The following C20orf96 variants were observed in gnomAD, a reference collection of about 807,000 sequenced individuals.
C20orf96 encodes the protein chromosome 20 open reading frame 96.
C20orf96 carries 57 observed loss-of-function variants against 52.6 expected under a neutral mutation model. The observed-to-expected ratio is 1.08, with a 90% confidence interval of 0.88 to 1.35. C20orf96 has a LOEUF of 1.35. Among genes scored for constraint, C20orf96 ranks in the 40% most tolerant of loss-of-function variants. The pLI is 0.00. For synonymous variants in C20orf96, 168 were observed against 157.2 expected (o/e 1.07, Z -0.51); for missense variants, 478 against 443.6 (o/e 1.08, Z -0.70).
intron 2 of C20orf96, 84 bp downstream of exon 2, chr20:290,175 G>A: frequency 9.3e-7 from 1 of 1,078,496 alleles, no homozygotes; most frequent in East Asian, 2.5e-5. Context: ...TATCCGCGGA[G>A]CAGTCACGAC....
rs1178072589 is a variant in C20orf96, at chr20:277,423, A to C, written c.566-40T>G. ...GGGAGGTCAGCAGGGACAGGAGGCA[A>C]GACCTTCCCTCAAGCACCTGGGCCC... On this transcript the variant is annotated intron_variant, in intron 6 of 10. Transcript: ENST00000360321. 1.9e-6 allele frequency: 3 copies of C among 1,607,414 alleles called. No individual in the cohort carries two copies. In the East Asian group the frequency reaches 6.7e-5, roughly 36 times the overall value.
chr20:274,871 A>G (rs527406884), intron 10 of C20orf96, among the ~76,000 whole-genome samples: 42 of 151,970 alleles, frequency 2.8e-4, no homozygotes, highest in African/African-American at 8.4e-4. Flanking sequence ...CCAGACTGGA[A>G]TGCAGTGGCA....
At chr20:287,739 T>C (rs1014011461) in intron 3 of C20orf96, among the ~76,000 whole-genome samples, 1 of 151,758 alleles carries the variant, frequency 6.6e-6, no homozygotes, top group Non-Finnish European at 1.5e-5. Context: ...GACCAGCCTG[T>C]CTCTACTAAA....
At chr20:274,763 T>C (rs1174045656) in intron 10 of C20orf96, among the ~76,000 whole-genome samples, 1 of 152,142 alleles carries the variant, frequency 6.6e-6, no homozygotes, top group African/African-American at 2.4e-5. Flanking sequence ...AAAACCTTCC[T>C]TGACTGCCCA....
At chr20:278,201 TC>T in intron 6 of C20orf96, 128 bp downstream of exon 6, 2 of 749,966 alleles carry the variant, frequency 2.7e-6, no homozygotes, top group Non-Finnish European at 4.9e-6. Context: ...ATCTTAGCAT[TC>T]CCATCTGCCA....
At chr20:281,311 G>A (rs957869758) in intron 4 of C20orf96, among the ~76,000 whole-genome samples, 6 of 151,992 alleles carry the variant, frequency 3.9e-5, no homozygotes, top group Non-Finnish European at 8.8e-5. Context: ...CTATGATTAT[G>A]CCATTTCACT....
At chr20:278,661 G>A (rs2122259993) in intron 5 of C20orf96, among the ~76,000 whole-genome samples, 1 of 151,714 alleles carries the variant, frequency 6.6e-6, no homozygotes, top group African/African-American at 2.4e-5. Flanking sequence ...GTTGGTGGTA[G>A]CAGCGACCTC....
intron 3 of C20orf96, 64 bp downstream of exon 3, chr20:289,495 G>A (rs1003823687): frequency 9.4e-6 from 10 of 1,059,024 alleles, no homozygotes; most frequent in Non-Finnish European, 1.5e-5. Context: ...GTCACCAAGA[G>A]CCAAAAGCAG....
At chr20:290,384 T>C (rs2012508108) in intron 1 of C20orf96, 77 bp from the exon 2 acceptor site, 6 of 1,580,782 alleles carry the variant, frequency 3.8e-6, no homozygotes, top group Middle Eastern at 1.7e-4. Context: ...CGAAACAGGA[T>C]TGGAGTCTCG....
chr20:277,854 G>T (rs530681471), intron 6 of C20orf96, among the ~76,000 whole-genome samples: 1 of 152,254 alleles, frequency 6.6e-6, no homozygotes, highest in East Asian at 1.9e-4. Flanking sequence ...CTGCTCAGCA[G>T]GTGTGTAGTC....
rs1568490417 is a variant in C20orf96, at chr20:277,309, A to T, written c.640T>A (p.Tyr214Asn). ...TQEEVNFLSTYMDHEYSIKSV... is the reference protein window; with the variant it reads ...TQEEVNFLSTNMDHEYSIKSV... ...TTGATGGAATACTCATGGTCCATGT[A>T]AGTGCTCAGGAAGTTCACTTCCTCC... Residue 214 changes from tyrosine to asparagine, a missense_variant, in exon 7 of 11, where the codon TAC (tyrosine) becomes AAC (asparagine). Transcript: ENST00000360321. The T allele has an allele frequency of 6.2e-7, 1 of 1,614,136 alleles. No homozygotes were observed. The highest frequency in any genetic ancestry group is 8.5e-7 in the Non-Finnish European group (1 of 1,180,018).
chr20:280,044 G>T, intron 4 of C20orf96, among the ~76,000 whole-genome samples: 1 of 152,134 alleles, frequency 6.6e-6, no homozygotes, highest in East Asian at 1.9e-4. Flanking sequence ...TGGAGGAGAA[G>T]CAGGGGAGGC....
At chr20:271,373 G>A in intron 10 of C20orf96, 106 bp from the exon 11 acceptor site, 2 of 884,288 alleles carry the variant, frequency 2.3e-6, no homozygotes, top group Non-Finnish European at 3.4e-6. Flanking sequence ...TACTTGGGTT[G>A]GGGGGCAATC....
At chr20:283,857 A>C (rs6137055) in intron 4 of C20orf96, 106 bp downstream of exon 4, 206,344 of 783,476 alleles carry the variant, frequency 0.26, 29,427 homozygotes, top group East Asian at 0.37. Context: ...TGTGAGGAAG[A>C]AATGAGTCAA....
rs1018640095 is a variant in C20orf96 at position 279,326 on chromosome 20, G to T, written c.311C>A (p.Ser104Ter). The change falls in exon 5 of 11, where the codon TCG becomes TAG. Residue 104 changes from serine (S) to a stop codon, truncating the protein, a stop_gained. Transcript: ENST00000360321. LOFTEE classifies it high-confidence loss of function. ...CAGAGCGGCCCTCCCGCTCCTGAGC[G>T]AGGTCTGCGGGCGGAGGGAAGAGCA... ...MHAKIWLMKT[S>*]LRSGRAALRE... The T allele has an allele frequency of 6.2e-7, 1 of 1,603,018 alleles. No homozygotes were observed. Among genetic ancestry groups the T allele is most frequent in the African/African-American group, 1.3e-5 (1 of 74,660 alleles).
At chr20:271,915 A>G (rs2011852947) in intron 10 of C20orf96, among the ~76,000 whole-genome samples, 2 of 152,212 alleles carry the variant, frequency 1.3e-5, no homozygotes, top group Admixed American at 1.3e-4. Context: ...TCCCCATTGC[A>G]GGGACCAGCA....
At chr20:278,217 G>C in intron 6 of C20orf96, 113 bp downstream of exon 6, 1 of 804,032 alleles carries the variant, frequency 1.2e-6, no homozygotes, top group Admixed American at 1.7e-5. Context: ...CTGCCAAGAA[G>C]AGAGCCAATG....
chr20:283,309 AT>A (rs982386935), intron 4 of C20orf96, among the ~76,000 whole-genome samples: 72 of 148,452 alleles, frequency 4.9e-4, no homozygotes, highest in African/African-American at 1.2e-3. Context: ...ATTTACTGGA[AT>A]TTTTTTTTTT....
chr20:279,257 C>G lies in C20orf96; in HGVS notation c.380G>C (p.Arg127Pro). The part of the protein sequence containing the change: ...SRENFLSKLN[R>P]ELIETIQEME... ...CTCCTGGATGGTCTCGATCAGCTCC[C>G]GGTTGAGCTTGCTGAGGAAGTTCTC... The change falls in exon 5 of 11, where the codon CGG (arginine) becomes CCG (proline). Residue 127 changes from arginine to proline, a missense_variant. Arg to Pro is a moderately radical substitution (Grantham distance 103, BLOSUM62 -2). Transcript: ENST00000360321. 1.2e-6 allele frequency: 2 copies of G among 1,611,132 alleles called. No homozygotes were observed. Among genetic ancestry groups the G allele is most frequent in the South Asian group, 1.1e-5 (1 of 91,062 alleles).
Sources: gnomAD v4.1 joint callset for allele counts (sites outside exome capture counted in the v4.1 genomes callset) on GRCh38, gnomAD v4.1.1 for gene constraint, MANE v1.5 for transcripts, NCBI Gene and HGNC (gene_info 2026-07-23, HGNC 2026-07-21) for gene names.